Variants in GCFC2 observed in about 807,000 individuals in gnomAD.
GCFC2 encodes the protein intron Large complex component GCFC2.
A neutral mutation model predicts 99.4 loss-of-function variants in GCFC2; 102 were observed. That is an observed-to-expected ratio of 1.03 (90% CI 0.87 to 1.21). The LOEUF is 1.21. Ranked by LOEUF, GCFC2 falls within the 50% of genes most tolerant of loss-of-function variation. The probability of loss-of-function intolerance (pLI) is 0.00; values close to 1 mark genes in which losing one functional copy is unlikely to be tolerated. For synonymous variants in GCFC2, 338 were observed against 316.8 expected, an observed-to-expected ratio of 1.07 and a Z score of -0.71; for missense variants, 973 against 920.9, an observed-to-expected ratio of 1.06 and a Z score of -0.73.
At chr2:75,696,052 T>C in intron 5 of GCFC2, 148 bp downstream of exon 5, 1 of 433,488 alleles carries the variant, frequency 2.3e-6, no homozygotes, top group Non-Finnish European at 4.2e-6. Context: ...ATGAAATAAA[T>C]TGTGTTAGTA....
chr2:75,699,340 T>A (rs1680470844), intron 4 of GCFC2, among the ~76,000 whole-genome samples: 1 of 152,236 alleles, frequency 6.6e-6, no homozygotes. Flanking sequence ...ATAGAACTGT[T>A]TGGTACTTCT....
At chr2:75,665,513 A>T (rs1359305963) in intron 16 of GCFC2, among the ~76,000 whole-genome samples, 1 of 152,124 alleles carries the variant, frequency 6.6e-6, no homozygotes, top group Non-Finnish European at 1.5e-5. Context: ...ACTGTATTTA[A>T]GCCCCCAAAC....
At chr2:75,684,020 A>C (rs1679705110) in intron 11 of GCFC2, among the ~76,000 whole-genome samples, 2 of 152,144 alleles carry the variant, frequency 1.3e-5, no homozygotes, top group South Asian at 2.1e-4. Flanking sequence ...ACTCCCACAC[A>C]ATAATAGTGG....
Position 75,701,386 on chromosome 2 carries a change from T to C in GCFC2, c.620-99A>G, listed in dbSNP as rs376406975. The C allele has an allele frequency of 1.4e-5, 9 of 664,674 alleles. 1 individual carries two copies. The highest frequency in any genetic ancestry group is 7.3e-5 in the African/African-American group (4 of 55,164). 41.2% of individuals were successfully genotyped at this position (664,674 alleles called of 1,614,324 possible). A position where few individuals can be genotyped will look rare whatever the true frequency, so the allele number is the denominator to read the frequency against. On this transcript the variant is annotated intron_variant, in intron 3 of 16. Transcript: ENST00000321027. Reference sequence around the variant, plus strand: ...AGATTATACAAAGGCTTAGCACCACTTGACGTGTTATTTATTCTTCATAAT... The same window carrying C: ...AGATTATACAAAGGCTTAGCACCACCTGACGTGTTATTTATTCTTCATAAT...
chr2:75,680,354 G>C, intron 11 of GCFC2, 40 bp from the exon 12 acceptor site: 1 of 1,544,972 alleles, frequency 6.5e-7, no homozygotes, highest in South Asian at 1.2e-5. Flanking sequence ...GTATTTACTA[G>C]ATTGTTTTGC....
intron 1 of GCFC2, chr2:75,710,364 ATTGTT>A: frequency 9.6e-7 from 1 of 1,038,468 alleles, no homozygotes; most frequent in Non-Finnish European, 1.3e-6. Flanking sequence ...ACTGTACACG[ATTGTT>A]TTATTTCCCC....
chr2:75,669,992 T>A (rs1025717201), intron 15 of GCFC2, 146 bp downstream of exon 15: 9 of 515,538 alleles, frequency 1.7e-5, no homozygotes, highest in African/African-American at 1.7e-4. Context: ...CCCAAAGTGC[T>A]GGGATTACAG....
Position 75,701,262 on chromosome 2 carries a change from T to G in GCFC2, c.645A>C (p.Glu215Asp). 1.2e-6 allele frequency: 2 copies of G among 1,605,218 alleles called. No individual in the cohort carries two copies. Among genetic ancestry groups the G allele is most frequent in the South Asian group, 2.2e-5 (2 of 90,848 alleles). The change falls in exon 4 of 17, where the codon GAA (glutamate) becomes GAC (aspartate). Residue 215 changes from glutamate (E) to aspartate (D), a missense_variant. By Grantham distance (45) the Glu-to-Asp change is conservative. Coordinates refer to ENST00000321027, the MANE Select transcript of GCFC2 (RefSeq NM_003203.5). The stretch of plus-strand genomic sequence containing the variant: ...CTTGCTTTTCATCTTCCTGACTTTC[T>G]TCACTTGTTTCTTCATTTCTGCTTA... Reference protein sequence around the residue: ...ESISRNEETSEESQEDEKQDT... With the variant: ...ESISRNEETSDESQEDEKQDT...
At chr2:75,707,540 G>C (rs141829734) in intron 1 of GCFC2, among the ~76,000 whole-genome samples, 5 of 144,540 alleles carry the variant, frequency 3.5e-5, no homozygotes, top group Non-Finnish European at 6.1e-5. Flanking sequence ...AAAGGCTGGA[G>C]TAAAATCAAA....
In GCFC2 at chr2:75,689,032, A is replaced by C. The variant is rs948648299; in HGVS notation, c.1533T>G (p.Pro511=). 6.6e-7 allele frequency: 1 copy of C among 1,517,278 alleles called. No homozygotes were observed. The highest frequency in any genetic ancestry group is 9.1e-7 in the Non-Finnish European group (1 of 1,101,886). The allele number at this position is 1,517,278 out of a possible 1,614,324, so 94.0% of individuals were successfully genotyped here. The change falls in exon 10 of 17, where the codon CCT becomes CCG. Residue 511 remains proline (P), a synonymous_variant. Coordinates refer to ENST00000321027, the MANE Select transcript of GCFC2 (RefSeq NM_003203.5). The part of the protein sequence containing the change: ...LIRVQLIDWN[P]LKLESTGLKE... ...ATATGTTAAGCATAAATACCTTAAG[A>C]GGATTCCAATCAATCAACTGAACTC...
chr2:75,669,479 C>G (rs372343253), intron 15 of GCFC2, among the ~76,000 whole-genome samples: 3 of 152,116 alleles, frequency 2.0e-5, no homozygotes, highest in African/African-American at 7.2e-5. Context: ...AAGGAACTCC[C>G]TCACTCTCAA....
intron 16 of GCFC2, among the ~76,000 whole-genome samples, chr2:75,664,996 A>T (rs1479020512): frequency 1.3e-5 from 2 of 152,194 alleles, no homozygotes; most frequent in Admixed American, 1.3e-4. Flanking sequence ...GGCAAATTTC[A>T]ATGTGAATTA....
chr2:75,669,755 G>A (rs769577997), intron 15 of GCFC2, among the ~76,000 whole-genome samples: 1 of 151,372 alleles, frequency 6.6e-6, no homozygotes, highest in East Asian at 1.9e-4. Context: ...TTTTTGAGAT[G>A]GAGTTTTGCT....
chr2:75,670,569 T>C (rs541846049), intron 14 of GCFC2: 1 of 236,048 alleles, frequency 4.2e-6, no homozygotes, highest in African/African-American at 2.2e-5. Flanking sequence ...CAATCCATTT[T>C]CTCTCAAAGC....
intron 10 of GCFC2, 110 bp from the exon 11 acceptor site, chr2:75,688,087 A>C: frequency 1.5e-6 from 1 of 665,434 alleles, no homozygotes; most frequent in Non-Finnish European, 2.5e-6. Context: ...GGATCAGAAG[A>C]GATTAATTCC....
chr2:75,695,564 C>T (rs565592119), intron 5 of GCFC2, among the ~76,000 whole-genome samples: 3 of 152,224 alleles, frequency 2.0e-5, no homozygotes, highest in Non-Finnish European at 4.4e-5. Flanking sequence ...ATCGTAGTCA[C>T]CCCTTAATCA....
rs927262656 is a variant in GCFC2, at chr2:75,663,337, C to G, written c.*1329G>C. Reference sequence around the variant, plus strand: ...TCCCTTAAGTTATTTAATAAGTAGACTTAGAAAAATTACTAGTAAACTAAC... The same window carrying G: ...TCCCTTAAGTTATTTAATAAGTAGAGTTAGAAAAATTACTAGTAAACTAAC... On this transcript the variant is annotated 3_prime_UTR_variant, in exon 17 of 17. Coordinates refer to ENST00000321027, the MANE Select transcript of GCFC2 (RefSeq NM_003203.5). The G allele has an allele frequency of 2.6e-5, 4 of 152,028 alleles. No individual in the cohort carries two copies. The highest frequency in any genetic ancestry group is 7.2e-5 in the African/African-American group (3 of 41,386). The allele number at this position is 152,028 out of a possible 1,614,324, so 9.4% of individuals were successfully genotyped here.
chr2:75,694,312 C>T lies in GCFC2; in HGVS notation c.949G>A (p.Ala317Thr), dbSNP rs1680210517. 2.3e-6 allele frequency: 3 copies of T among 1,321,230 alleles called. No homozygotes were observed. Among genetic ancestry groups the T allele is most frequent in the Non-Finnish European group, 3.2e-6 (3 of 934,316 alleles). The allele number at this position is 1,321,230 out of a possible 1,614,324, so 81.8% of individuals were successfully genotyped here. ...CTTTTATAGAATTTACAATTTAGAG[C>T]TTGATTTGATGAACTCTCTAGGTTC... is the stretch of plus-strand genomic sequence containing the variant. ...IQNLESSSNQALNCKFYKSMK... is the reference protein window; with the variant it reads ...IQNLESSSNQTLNCKFYKSMK... Residue 317 changes from alanine to threonine, a missense_variant, in exon 6 of 17, where the codon GCT (alanine) becomes ACT (threonine). Ala to Thr is a moderately conservative substitution (Grantham distance 58). Transcript: ENST00000321027.
rs1332299682 is a variant in GCFC2 at position 75,687,948 on chromosome 2, T to C, written c.1569A>G (p.Pro523=). The C allele has an allele frequency of 1.9e-6, 3 of 1,597,006 alleles. No individual in the cohort carries two copies. Among genetic ancestry groups the C allele is most frequent in the African/African-American group, 1.4e-5 (1 of 73,950 alleles). ...TAAATTCTTCTACAGATTTGAACCA[T>C]GGCATCTCTTTTAAACCTGTGGATT... ...KLESTGLKEM[P]WFKSVEEFMD... Residue 523 remains proline (P), a synonymous_variant, in exon 11 of 17, where the codon CCA becomes CCG. Coordinates refer to ENST00000321027, the MANE Select transcript of GCFC2 (RefSeq NM_003203.5).
Sources: gnomAD v4.1 joint callset for allele counts (sites outside exome capture counted in the v4.1 genomes callset) on GRCh38, gnomAD v4.1.1 for gene constraint, MANE v1.5 for transcripts, NCBI Gene and HGNC (gene_info 2026-07-23, HGNC 2026-07-21) for gene names.